PRKG1: variants seen among roughly 807,000 people sequenced by gnomAD.
PRKG1 encodes cGMP-dependent protein kinase 1.
In PRKG1, 35 loss-of-function variants were observed where a neutral mutation model predicts 88.1. The observed-to-expected ratio is 0.40, with a 90% confidence interval of 0.30 to 0.53. The LOEUF (loss-of-function observed/expected upper bound fraction) is 0.53. Ranked by LOEUF, PRKG1 falls within the 20% of genes least tolerant of loss-of-function variation. The pLI, the probability that PRKG1 is intolerant of heterozygous loss-of-function variation, is 0.59. For missense variants in PRKG1, 540 were observed against 839.8 expected, an observed-to-expected ratio of 0.64 and a Z score of 4.41; for synonymous variants, 303 against 292.5, an observed-to-expected ratio of 1.04 and a Z score of -0.37.
intron 1 of PRKG1, among the ~76,000 whole-genome samples, chr10:51,023,317 C>G (rs528225348): frequency 6.6e-6 from 1 of 152,268 alleles, no homozygotes; most frequent in African/African-American, 2.4e-5. Flanking sequence ...AGCACTTGTC[C>G]AAATTTGCTG....
intron 6 of PRKG1, among the ~76,000 whole-genome samples, chr10:52,055,330 A>G (rs957976680): frequency 5.9e-5 from 9 of 152,222 alleles, no homozygotes; most frequent in African/African-American, 2.2e-4. Flanking sequence ...ATAGATATAC[A>G]TTAATGTTTT....
intron 2 of PRKG1, among the ~76,000 whole-genome samples, chr10:51,265,385 A>G (rs1306120704): frequency 6.6e-6 from 1 of 152,174 alleles, no homozygotes; most frequent in Admixed American, 6.5e-5. Flanking sequence ...CTAATTTTGT[A>G]AGTATGTTCA....
intron 3 of PRKG1, among the ~76,000 whole-genome samples, chr10:51,597,201 G>A (rs567618663): frequency 4.4e-4 from 67 of 151,500 alleles, no homozygotes; most frequent in African/African-American, 1.4e-3. Flanking sequence ...TAATTTCATC[G>A]GTAATAAAAT....
At chr10:51,468,024 A>G in intron 3 of PRKG1, 188 bp downstream of exon 3, 1 of 517,790 alleles carries the variant, frequency 1.9e-6, no homozygotes, top group Non-Finnish European at 3.4e-6. Flanking sequence ...AGTTTTGTAT[A>G]ATTACATTTT....
intron 1 of PRKG1, among the ~76,000 whole-genome samples, chr10:51,123,842 G>T (rs191956327): frequency 2.0e-5 from 3 of 152,086 alleles, no homozygotes; most frequent in Non-Finnish European, 4.4e-5. Flanking sequence ...CATAGCAGAA[G>T]GTGAAGTGGA....
intron 3 of PRKG1, among the ~76,000 whole-genome samples, chr10:51,504,457 C>CT (rs1285556651): frequency 6.6e-6 from 1 of 152,090 alleles, no homozygotes; most frequent in African/African-American, 2.4e-5. Flanking sequence ...AATGCAAGCT[C>CT]TTTTTTGGTT....
At chr10:51,044,662 G>A in intron 1 of PRKG1, among the ~76,000 whole-genome samples, 1 of 152,014 alleles carries the variant, frequency 6.6e-6, no homozygotes, top group Non-Finnish European at 1.5e-5. Context: ...TGAGAGGCAA[G>A]GCAGGCTGTG....
intron 4 of PRKG1, among the ~76,000 whole-genome samples, chr10:51,813,914 A>G (rs935818111): frequency 6.6e-6 from 1 of 152,194 alleles, no homozygotes; most frequent in African/African-American, 2.4e-5. Flanking sequence ...CTTAAGAGCT[A>G]TCACTTTAAA....
At chr10:51,295,008 A>G (rs1170613567) in intron 2 of PRKG1, among the ~76,000 whole-genome samples, 1 of 152,104 alleles carries the variant, frequency 6.6e-6, no homozygotes, top group Non-Finnish European at 1.5e-5. Flanking sequence ...GCTTGAGCCC[A>G]GGAGTTTGAG....
intron 2 of PRKG1, among the ~76,000 whole-genome samples, chr10:51,382,094 G>T (rs768772684): frequency 1.3e-5 from 2 of 151,928 alleles, no homozygotes; most frequent in Admixed American, 6.6e-5. Context: ...TTGGTAATTA[G>T]ATTTCAAACA....
At chr10:52,022,536 C>T (rs1406550121) in intron 5 of PRKG1, among the ~76,000 whole-genome samples, 7 of 152,052 alleles carry the variant, frequency 4.6e-5, no homozygotes, top group East Asian at 1.9e-4. Context: ...TATATAGTTA[C>T]CTTTTTTATT....
chr10:51,525,046 A>G (rs1357530007), intron 3 of PRKG1, among the ~76,000 whole-genome samples: 2 of 152,152 alleles, frequency 1.3e-5, no homozygotes, highest in African/African-American at 2.4e-5. Context: ...GATTCAAGAA[A>G]CATATCTGAA....
intron 3 of PRKG1, among the ~76,000 whole-genome samples, chr10:51,590,833 T>C (rs553668658): frequency 6.6e-6 from 1 of 152,244 alleles, no homozygotes; most frequent in South Asian, 2.1e-4. Context: ...GGGGTGGTAT[T>C]GCAACCTCAA....
rs60053336 is a variant in PRKG1 at position 51,712,580 on chromosome 10, CTTTTTTTTTTTTTTTT to C, written c.593-91993_593-91978del. On this transcript the variant is annotated intron_variant, in intron 3 of 17. Transcript: ENST00000373980. ...AAATGTTGACTCTAAAATATTATTC[CTTTTTTTTTTTTTTTT>C]TTTTTTTTTTTGAGACGGAGTCTCG... Among the ~76,000 whole-genome samples the C allele has an allele frequency of 8.3e-5, 8 of 96,002 alleles. No individual in the cohort carries two copies. In the South Asian group the frequency reaches 1.0e-3, roughly 12 times the overall value. 63.0% of individuals were successfully genotyped at this position (96,002 alleles called of 152,430 possible).
rs1842780063 is a variant in PRKG1, at chr10:50,991,345, G to A, written c.-34G>A. 1 of 1,421,628 alleles carries A rather than the reference G, an allele frequency of 7.0e-7. No individual in the cohort carries two copies. The highest frequency in any genetic ancestry group is 9.3e-7 in the Non-Finnish European group (1 of 1,076,630). The allele number at this position is 1,421,628 out of a possible 1,614,324, so 88.1% of individuals were successfully genotyped here. Reference sequence around the variant, plus strand: ...GCCGCCGCCGCCGCCGCCGCCGCCCGAGAAAAAGTTTCGCGGAGGGGCTCA... The same window carrying A: ...GCCGCCGCCGCCGCCGCCGCCGCCCAAGAAAAAGTTTCGCGGAGGGGCTCA... On this transcript the variant is annotated 5_prime_UTR_variant, in exon 1 of 18. Coordinates refer to the PRKG1 transcript ENST00000401604. This position sits in a 1 kb window ranked among gnomAD's most constrained non-coding sequence, Gnocchi z 4.5.
At chr10:51,817,842 C>T (rs1478074152) in intron 4 of PRKG1, among the ~76,000 whole-genome samples, 1 of 152,074 alleles carries the variant, frequency 6.6e-6, no homozygotes. Context: ...TTTTTTCCTT[C>T]CTCTTCTTCT....
chr10:51,730,071 T>C (rs1160556597), intron 3 of PRKG1, among the ~76,000 whole-genome samples: 1 of 152,196 alleles, frequency 6.6e-6, no homozygotes, highest in African/African-American at 2.4e-5. Context: ...ATGCATTATA[T>C]GGGTTTGGAC....
intron 3 of PRKG1, among the ~76,000 whole-genome samples, chr10:51,647,256 C>T (rs1564588612): frequency 6.6e-6 from 1 of 151,992 alleles, no homozygotes; most frequent in Admixed American, 6.6e-5. Context: ...AATCTCAGCT[C>T]TGCCCAATGA....
chr10:51,544,357 C>T (rs540125424), intron 3 of PRKG1, among the ~76,000 whole-genome samples: 118 of 152,248 alleles, frequency 7.8e-4, no homozygotes, highest in African/African-American at 2.8e-3. Context: ...TTTCCAGCTT[C>T]ATCCACGTCC....
Sources: gnomAD v4.1 joint callset for allele counts (sites outside exome capture counted in the v4.1 genomes callset) on GRCh38, gnomAD v4.1.1 for gene constraint, Gnocchi (gnomAD v3.1) non-coding constraint, MANE v1.5 for transcripts, NCBI Gene and HGNC (gene_info 2026-07-23, HGNC 2026-07-21) for gene names.